RIMS1: variants seen among roughly 807,000 people sequenced by gnomAD.
RIMS1 encodes the protein regulating synaptic membrane exocytosis protein 1.
In RIMS1, 83 loss-of-function variants were observed where a neutral mutation model predicts 214.1. That is an observed-to-expected ratio of 0.39 (90% CI 0.32 to 0.47). RIMS1 has a LOEUF of 0.47. Among genes scored for constraint, RIMS1 ranks in the 20% least tolerant of loss-of-function variants. The pLI, the probability that RIMS1 is intolerant of heterozygous loss-of-function variation, is 0.99. For missense variants in RIMS1, 2,050 were observed against 2,161.8 expected, an observed-to-expected ratio of 0.95 and a Z score of 1.03; for synonymous variants, 793 against 786.8, an observed-to-expected ratio of 1.01 and a Z score of -0.13.
At position 71,886,612 on chromosome 6, in the gene RIMS1, C is replaced by G. The variant is rs1307490974; in HGVS notation, c.-412C>G. 1 of 149,662 alleles carries G rather than the reference C, an allele frequency of 6.7e-6. No individual in the cohort carries two copies. The allele number at this position is 149,662 out of a possible 1,614,324, so 9.3% of individuals were successfully genotyped here. A position where few individuals can be genotyped will look rare whatever the true frequency, so the allele number is the denominator to read the frequency against. On this transcript the variant is annotated 5_prime_UTR_variant, in exon 1 of 34. Transcript: ENST00000521978. The stretch of plus-strand genomic sequence containing the variant: ...GCGGCAGCGGCCGCCCCAGTCCCAG[C>G]CCCAGCCCCAGCCCCAGCCCCGCCC...
At chr6:72,198,861 A>T (rs2051442709) in intron 6 of RIMS1, among the ~76,000 whole-genome samples, 1 of 152,026 alleles carries the variant, frequency 6.6e-6, no homozygotes, top group Non-Finnish European at 1.5e-5. Context: ...GTATTCATCT[A>T]AACTATCAAC....
chr6:71,999,426 T>A (rs1387009460), intron 2 of RIMS1, among the ~76,000 whole-genome samples: 1 of 152,068 alleles, frequency 6.6e-6, no homozygotes, highest in Non-Finnish European at 1.5e-5. Flanking sequence ...AACAAAAAAA[T>A]ACACAAAGAT....
At position 72,034,438 on chromosome 6, in the gene RIMS1, GT is replaced by G. The variant is rs569436697; in HGVS notation, c.246-62504del. ...GATATTTCCATGGTACAAGACCTGA[GT>G]TTTTTTAATCAGTATTTCTCAGACT... On this transcript the variant is annotated intron_variant, in intron 2 of 33. Coordinates refer to ENST00000521978, the MANE Select transcript of RIMS1 (RefSeq NM_014989.7). 1.2e-4 allele frequency among the ~76,000 whole-genome samples: 18 copies of G among 152,088 alleles called. 1 individual carries two copies. The South Asian group carries it at 3.5e-3, about 30-fold the overall frequency.
At chr6:72,137,180 T>G (rs1360399321) in intron 4 of RIMS1, among the ~76,000 whole-genome samples, 2 of 152,114 alleles carry the variant, frequency 1.3e-5, no homozygotes, top group Non-Finnish European at 2.9e-5. Flanking sequence ...TCATCATTCT[T>G]GTTGTTTCAA....
In RIMS1 at chr6:72,236,783, T is replaced by TAA. The variant is rs11326772; in HGVS notation, c.1858-1023_1858-1022dup. Among the ~76,000 whole-genome samples, 127 of 128,468 alleles carry TAA rather than the reference T, an allele frequency of 9.9e-4. 1 individual carries two copies. Among genetic ancestry groups the TAA allele is most frequent in the South Asian group, 1.8e-3 (7 of 3,882 alleles). The allele number at this position is 128,468 out of a possible 152,430, so 84.3% of individuals were successfully genotyped here. On this transcript the variant is annotated intron_variant, in intron 8 of 33. Transcript: ENST00000521978. ...TCAACACTAACAATAGCTGATGAGC[T>TAA]AAAAAAAAAAAAAAAAAAGCAATGT...
chr6:72,345,054 A>G (rs2097213091), intron 29 of RIMS1, among the ~76,000 whole-genome samples: 1 of 151,776 alleles, frequency 6.6e-6, no homozygotes, highest in Non-Finnish European at 1.5e-5. Context: ...TACTAAGATG[A>G]TTGTTAAGCA....
intron 1 of RIMS1, among the ~76,000 whole-genome samples, chr6:71,940,067 T>C (rs1289432384): frequency 6.6e-6 from 1 of 152,194 alleles, no homozygotes; most frequent in Non-Finnish European, 1.5e-5. Context: ...AATAAGACCA[T>C]TGTCATGAAG....
chr6:72,398,744 T>C (rs909740227), intron 32 of RIMS1, among the ~76,000 whole-genome samples: 1 of 152,164 alleles, frequency 6.6e-6, no homozygotes, highest in Non-Finnish European at 1.5e-5. Context: ...TAACTTTGTA[T>C]ACATTGAGTC....
intron 1 of RIMS1, among the ~76,000 whole-genome samples, chr6:71,891,631 G>A (rs1192252): frequency 0.41 from 61,978 of 151,922 alleles, 12,905 homozygotes; most frequent in Admixed American, 0.49. Context: ...TGAGGATAGC[G>A]TTCCTATGTA....
intron 29 of RIMS1, among the ~76,000 whole-genome samples, chr6:72,344,765 A>C (rs2097203992): frequency 6.6e-6 from 1 of 151,734 alleles, no homozygotes; most frequent in Non-Finnish European, 1.5e-5. Context: ...TCATCTTCTA[A>C]AGAGATGCCC....
chr6:71,976,887 T>C (rs1444393367), intron 2 of RIMS1, among the ~76,000 whole-genome samples: 2 of 152,192 alleles, frequency 1.3e-5, no homozygotes, highest in African/African-American at 4.8e-5. Context: ...ATCTCAGATT[T>C]ATGTCTTACA....
intron 2 of RIMS1, among the ~76,000 whole-genome samples, chr6:72,004,066 G>A (rs1403743404): frequency 7.9e-6 from 1 of 126,516 alleles, no homozygotes; most frequent in Admixed American, 1.0e-4. Flanking sequence ...TACCCTTCCT[G>A]TGTCCATGTG....
chr6:72,061,992 G>A (rs759347993), intron 2 of RIMS1, among the ~76,000 whole-genome samples: 13 of 152,098 alleles, frequency 8.5e-5, no homozygotes, highest in African/African-American at 2.2e-4. Flanking sequence ...CTTTACTCAC[G>A]GTAGAAAAGA....
At chr6:72,277,416 C>T (rs997156634) in intron 23 of RIMS1, among the ~76,000 whole-genome samples, 3 of 152,062 alleles carry the variant, frequency 2.0e-5, no homozygotes, top group Admixed American at 6.5e-5. Flanking sequence ...CCCGTCTCTG[C>T]TAAAAATACA....
In RIMS1 at chr6:72,221,882, G is replaced by C. The variant is rs574085993; in HGVS notation, c.1679-11891G>C. Among the ~76,000 whole-genome samples, 216 of 151,854 alleles carry C rather than the reference G, an allele frequency of 1.4e-3. 2 individuals are homozygous for C. The highest frequency in any genetic ancestry group is 4.7e-3 in the African/African-American group (196 of 41,466). On this transcript the variant is annotated intron_variant, in intron 6 of 33. Transcript: ENST00000521978. ...AATAAGATATTTTAGCTAGCATTTGGGTTGGTTTTTACGGAAATTAGGTGA... is the reference window on the plus strand; with the variant it reads ...AATAAGATATTTTAGCTAGCATTTGCGTTGGTTTTTACGGAAATTAGGTGA...
intron 4 of RIMS1, among the ~76,000 whole-genome samples, chr6:72,132,931 A>G (rs2040673850): frequency 6.6e-6 from 1 of 152,114 alleles, no homozygotes; most frequent in Admixed American, 6.5e-5. Flanking sequence ...TTTGTTGTAT[A>G]TGTGTGTAAA....
intron 6 of RIMS1, among the ~76,000 whole-genome samples, chr6:72,205,752 A>G (rs2052791974): frequency 6.6e-6 from 1 of 152,192 alleles, no homozygotes; most frequent in Non-Finnish European, 1.5e-5. Context: ...TATGATAGAT[A>G]TGGACAAGTA....
intron 1 of RIMS1, among the ~76,000 whole-genome samples, chr6:71,903,279 C>T (rs920667338): frequency 4.6e-5 from 7 of 151,960 alleles, no homozygotes; most frequent in Admixed American, 2.0e-4. Flanking sequence ...TAATGATTGG[C>T]GATGTTGAGC....
At chr6:72,396,485 A>C (rs2098778710) in intron 31 of RIMS1, among the ~76,000 whole-genome samples, 1 of 152,208 alleles carries the variant, frequency 6.6e-6, no homozygotes. Flanking sequence ...CCAGCAATAC[A>C]ACTTCTAATT....
Sources: allele counts gnomAD v4.1 joint callset (sites outside exome capture counted in the v4.1 genomes callset), GRCh38; gene constraint gnomAD v4.1.1; transcripts MANE v1.5; gene names NCBI Gene and HGNC (gene_info 2026-07-23, HGNC 2026-07-21).